ZDHHC6: variants seen among roughly 807,000 people sequenced by gnomAD.
ZDHHC6 encodes the protein palmitoyltransferase ZDHHC6.
A neutral mutation model predicts 57.8 loss-of-function variants in ZDHHC6; 32 were observed. The observed-to-expected ratio is 0.55, with a 90% confidence interval of 0.42 to 0.74. The LOEUF (loss-of-function observed/expected upper bound fraction) is 0.74, where lower values mean the gene tolerates loss of function less well. Among genes scored for constraint, ZDHHC6 ranks in the 30% least tolerant of loss-of-function variants. ZDHHC6 has a pLI of 0.00. For synonymous variants in ZDHHC6, 128 were observed against 158.0 expected (o/e 0.81, Z 1.42); for missense variants, 433 against 500.7 (o/e 0.86, Z 1.29).
chr10:112,426,692 A>G (rs538622144), downstream of ZDHHC6: 1 of 1,062,686 alleles, frequency 9.4e-7, no homozygotes, highest in East Asian at 2.4e-5. Flanking sequence ...CTGCTTTCAT[A>G]CTGCATGGCT....
downstream of ZDHHC6, among the ~76,000 whole-genome samples, chr10:112,429,033 C>A (rs1490238957): frequency 1.3e-5 from 2 of 152,232 alleles, no homozygotes; most frequent in East Asian, 1.9e-4. Flanking sequence ...CTTTTACCAT[C>A]TTTGTTGTAC....
chr10:112,435,683 T>C (rs1046015200), intron 6 of ZDHHC6, among the ~76,000 whole-genome samples: 2 of 152,130 alleles, frequency 1.3e-5, no homozygotes, highest in Admixed American at 6.6e-5. Flanking sequence ...TATAAATCCA[T>C]CCTCCCCAGA....
intron 6 of ZDHHC6, among the ~76,000 whole-genome samples, chr10:112,436,508 T>C (rs1421877574): frequency 6.6e-6 from 1 of 152,182 alleles, no homozygotes; most frequent in Non-Finnish European, 1.5e-5. Context: ...TAAAAGGTCT[T>C]ACTTATGTAG....
chr10:112,438,053 CAACA>C (rs1201851670), intron 6 of ZDHHC6, among the ~76,000 whole-genome samples: 6 of 152,190 alleles, frequency 3.9e-5, no homozygotes, highest in African/African-American at 1.2e-4. Flanking sequence ...GTCTAAGAGA[CAACA>C]AACAGATGGT....
At chr10:112,429,615 G>A (rs1042145152), downstream of ZDHHC6, among the ~76,000 whole-genome samples, 6 of 152,276 alleles carry the variant, frequency 3.9e-5, no homozygotes, top group African/African-American at 1.2e-4. Flanking sequence ...TTCCTTCTGT[G>A]ATTCCACTGT....
At chr10:112,435,368 C>T (rs566675548) in intron 6 of ZDHHC6, among the ~76,000 whole-genome samples, 10 of 152,174 alleles carry the variant, frequency 6.6e-5, no homozygotes, top group African/African-American at 2.4e-4. Context: ...CAATAAAGTG[C>T]CCGTTCTGAA....
At position 112,430,504 on chromosome 10, in the gene ZDHHC6, G is replaced by A; in HGVS notation, c.*300C>T. The stretch of plus-strand genomic sequence containing the variant: ...AGGGGGGAACTGTATCTGCAGGTGA[G>A]GTCCAGAGTGTGCAGTGCATAAGAA... On this transcript the variant is annotated 3_prime_UTR_variant, in exon 11 of 11. Transcript: ENST00000369405. 4.4e-6 allele frequency: 1 copy of A among 225,086 alleles called. No homozygotes were observed. The highest frequency in any genetic ancestry group is 8.7e-6 in the Non-Finnish European group (1 of 114,288). The allele number at this position is 225,086 out of a possible 1,614,324, so 13.9% of individuals were successfully genotyped here. A position where few individuals can be genotyped will look rare whatever the true frequency, so the allele number is the denominator to read the frequency against.
At chr10:112,435,503 T>C (rs1845441014) in intron 6 of ZDHHC6, among the ~76,000 whole-genome samples, 1 of 152,216 alleles carries the variant, frequency 6.6e-6, no homozygotes, top group South Asian at 2.1e-4. Flanking sequence ...AAAATGTTAA[T>C]CTAATGTCAA....
At chr10:112,438,577 G>A (rs1254149794) in intron 5 of ZDHHC6, among the ~76,000 whole-genome samples, 188 bp from the exon 6 acceptor site, 1 of 151,234 alleles carries the variant, frequency 6.6e-6, no homozygotes, top group Non-Finnish European at 1.5e-5. Flanking sequence ...CTTAACTACT[G>A]CACCACGGTA....
chr10:112,445,203 G>C lies in ZDHHC6; in HGVS notation c.234C>G (p.Val78=), dbSNP rs140210612. Residue 78 remains valine (V), a synonymous_variant, in exon 2 of 11, where the codon GTC becomes GTG. Transcript: ENST00000369405. ...ILYNYFNAMF[V]GPGFVPLGWK... is the part of the protein sequence containing the mutation. ...ACCCCAGAGGGACAAAGCCCGGACC[G>C]ACAAACATGGCATTGAAGTAATTAT... 52 of 1,613,916 alleles carry C rather than the reference G, an allele frequency of 3.2e-5. No homozygotes were observed. The African/African-American group carries it at 6.0e-4, about 19-fold the overall frequency.
At chr10:112,427,973 A>C (rs1440809306), downstream of ZDHHC6, 4 of 154,634 alleles carry the variant, frequency 2.6e-5, no homozygotes, top group East Asian at 7.5e-4. Context: ...AACATTTCCT[A>C]AACTCTCTAG....
Position 112,434,375 on chromosome 10 carries a change from T to C in ZDHHC6, c.825A>G (p.Val275=). Residue 275 remains valine (V), a synonymous_variant, in exon 7 of 11, where the codon GTA becomes GTG. Coordinates refer to ENST00000369405, the MANE Select transcript of ZDHHC6 (RefSeq NM_022494.3). ...MGSRWRNFKQ[V]FTWSGVPEGD... ...CTTCAGGGACCCCTGACCACGTAAA[T>C]ACCTGTTTAAAGTTCCTCCATCTAC... The C allele has an allele frequency of 6.2e-7, 1 of 1,613,934 alleles. No homozygotes were observed.
chr10:112,440,479 T>C (rs1433697169), intron 5 of ZDHHC6, 55 bp downstream of exon 5: 20 of 1,537,272 alleles, frequency 1.3e-5, no homozygotes, highest in Non-Finnish European at 1.8e-5. Flanking sequence ...CTCTTTCTTG[T>C]GCAATCAGTC....
At chr10:112,442,646 T>C (rs889935754) in intron 3 of ZDHHC6, among the ~76,000 whole-genome samples, 8 of 152,160 alleles carry the variant, frequency 5.3e-5, no homozygotes, top group Non-Finnish European at 1.2e-4. Context: ...AGGGTCTCTT[T>C]ATAATGCTCA....
upstream of ZDHHC6, chr10:112,447,102 TG>T (rs1846849330): frequency 2.1e-6 from 1 of 475,678 alleles, no homozygotes. Flanking sequence ...TACGCTTTTC[TG>T]GGGGGAGGCA....
chr10:112,447,270 C>CG, upstream of ZDHHC6: 1 of 1,273,762 alleles, frequency 7.9e-7, no homozygotes, highest in Middle Eastern at 2.6e-4. Context: ...GTTCTGCTCT[C>CG]GGGGGCACCT....
At chr10:112,439,627 C>CT (rs1845892673) in intron 5 of ZDHHC6, among the ~76,000 whole-genome samples, 6 of 27,008 alleles carry the variant, frequency 2.2e-4, no homozygotes, top group African/African-American at 1.2e-3. Context: ...GAGACTCCGT[C>CT]TAAAAAAAAA....
At chr10:112,433,876 T>C (rs1845270673) in intron 7 of ZDHHC6, among the ~76,000 whole-genome samples, 1 of 152,156 alleles carries the variant, frequency 6.6e-6, no homozygotes. Flanking sequence ...AAATGTCACA[T>C]TCAGATGAGT....
chr10:112,424,440 T>C (rs1432677142), exon 12 of ZDHHC6: 2 of 152,240 alleles, frequency 1.3e-5, no homozygotes, highest in Non-Finnish European at 2.9e-5. Context: ...TAACGATGCA[T>C]TTTATTGATT....
Sources: allele counts gnomAD v4.1 joint callset (sites outside exome capture counted in the v4.1 genomes callset), GRCh38; gene constraint gnomAD v4.1.1; transcripts MANE v1.5; gene names NCBI Gene and HGNC (gene_info 2026-07-23, HGNC 2026-07-21).